Variants in GRM7 observed in about 807,000 individuals in gnomAD.
The protein encoded by GRM7 is metabotropic glutamate receptor 7.
In GRM7, 35 loss-of-function variants were observed where a neutral mutation model predicts 84.5. That is an observed-to-expected ratio of 0.41 (90% confidence interval 0.32 to 0.55). The LOEUF (loss-of-function observed/expected upper bound fraction) is 0.55. Ranked by LOEUF, GRM7 falls within the 20% of genes least tolerant of loss-of-function variation. The probability of loss-of-function intolerance (pLI) is 0.19; values close to 1 mark genes in which losing one functional copy is unlikely to be tolerated. For synonymous variants in GRM7, 487 were observed against 455.1 expected, an observed-to-expected ratio of 1.07 and a Z score of -0.89; for missense variants, 1,003 against 1,194.6, an observed-to-expected ratio of 0.84 and a Z score of 2.36.
chr3:7,546,015 C>A (rs1287791178), intron 7 of GRM7, among the ~76,000 whole-genome samples: 4 of 152,088 alleles, frequency 2.6e-5, no homozygotes, highest in Non-Finnish European at 5.9e-5. Flanking sequence ...TAGTGTAGTG[C>A]CTGGTTCATT....
At chr3:7,484,157 T>A (rs1056903453) in intron 7 of GRM7, among the ~76,000 whole-genome samples, 2 of 152,204 alleles carry the variant, frequency 1.3e-5, no homozygotes, top group African/African-American at 4.8e-5. Context: ...TAAAGACTTA[T>A]GGTAAGGTGC....
At chr3:7,408,778 T>C (rs1476095049) in intron 4 of GRM7, among the ~76,000 whole-genome samples, 1 of 152,220 alleles carries the variant, frequency 6.6e-6, no homozygotes, top group Non-Finnish European at 1.5e-5. Context: ...AGCTAGTTCC[T>C]ACAACCATGC....
At chr3:7,431,328 T>C (rs1050455667) in intron 5 of GRM7, among the ~76,000 whole-genome samples, 12 of 152,226 alleles carry the variant, frequency 7.9e-5, no homozygotes, top group South Asian at 2.1e-4. Flanking sequence ...ACATATTGTA[T>C]GATCCTATTT....
chr3:6,910,647 A>T (rs1696735908), intron 1 of GRM7, among the ~76,000 whole-genome samples: 1 of 152,138 alleles, frequency 6.6e-6, no homozygotes, highest in South Asian at 2.1e-4. Flanking sequence ...GGCTACATGG[A>T]GGCTGAGGCA....
intron 4 of GRM7, among the ~76,000 whole-genome samples, chr3:7,331,876 T>G (rs2125066858): frequency 6.6e-6 from 1 of 152,202 alleles, no homozygotes; most frequent in Middle Eastern, 3.4e-3. Flanking sequence ...TTTTTAAAGG[T>G]TCCCATGCAG....
intron 5 of GRM7, among the ~76,000 whole-genome samples, chr3:7,449,768 T>C (rs1452104234): frequency 1.3e-5 from 2 of 152,158 alleles, no homozygotes; most frequent in Non-Finnish European, 1.5e-5. Context: ...TGGTAAGAGA[T>C]AAAATTTTGA....
In GRM7 at chr3:7,015,452, C is replaced by A. The variant is rs541822306; in HGVS notation, c.520-131000C>A. Among the ~76,000 whole-genome samples, 34 of 152,320 alleles carry A rather than the reference C, an allele frequency of 2.2e-4. No homozygotes were observed. The South Asian group carries it at 6.8e-3, about 31-fold the overall frequency. On this transcript the variant is annotated intron_variant, in intron 1 of 9. Coordinates refer to ENST00000357716, the MANE Select transcript of GRM7 (RefSeq NM_000844.4). The stretch of plus-strand genomic sequence containing the variant: ...CTATGACAGATGCTGTGCTTTCAAT[C>A]TTTTGGAGTACACAGATAAGTAAAT...
chr3:6,891,376 G>T (rs941486230), intron 1 of GRM7, among the ~76,000 whole-genome samples: 4 of 152,180 alleles, frequency 2.6e-5, no homozygotes, highest in African/African-American at 7.2e-5. Flanking sequence ...GGTACCGGTT[G>T]TTGCTTTCCG....
At chr3:7,588,472 C>A (rs1488422207) in intron 8 of GRM7, among the ~76,000 whole-genome samples, 1 of 152,196 alleles carries the variant, frequency 6.6e-6, no homozygotes, top group East Asian at 1.9e-4. Flanking sequence ...GAGAAGTGAG[C>A]AACCTCAAAT....
intron 7 of GRM7, among the ~76,000 whole-genome samples, chr3:7,483,687 T>C (rs1699216803): frequency 6.6e-6 from 1 of 152,120 alleles, no homozygotes; most frequent in Non-Finnish European, 1.5e-5. Context: ...GGTTGAGCTA[T>C]GGGGGTGAAA....
At chr3:6,998,455 G>A (rs1011278964) in intron 1 of GRM7, among the ~76,000 whole-genome samples, 2 of 152,152 alleles carry the variant, frequency 1.3e-5, no homozygotes, top group African/African-American at 4.8e-5. Flanking sequence ...CAAGCTGTCA[G>A]TGGATCTACC....
intron 2 of GRM7, among the ~76,000 whole-genome samples, chr3:7,221,693 TG>T (rs1696807253): frequency 6.6e-6 from 1 of 151,876 alleles, no homozygotes; most frequent in Non-Finnish European, 1.5e-5. Flanking sequence ...TTCTGTTTTA[TG>T]TTTCCTTCCA....
At chr3:7,170,967 C>G (rs1694965625) in intron 2 of GRM7, among the ~76,000 whole-genome samples, 1 of 152,148 alleles carries the variant, frequency 6.6e-6, no homozygotes, top group Non-Finnish European at 1.5e-5. Context: ...GTACATGCTG[C>G]TCATCACATC....
intron 1 of GRM7, among the ~76,000 whole-genome samples, chr3:7,134,428 C>T (rs1276916670): frequency 3.6e-5 from 5 of 137,518 alleles, no homozygotes; most frequent in African/African-American, 1.2e-4. Flanking sequence ...TCATCATCAT[C>T]GTCATCATCA....
chr3:7,073,356 A>G (rs1438582954), intron 1 of GRM7, among the ~76,000 whole-genome samples: 1 of 152,080 alleles, frequency 6.6e-6, no homozygotes, highest in African/African-American at 2.4e-5. Flanking sequence ...CTTGAAAATA[A>G]TGGTTCACAT....
intron 9 of GRM7, among the ~76,000 whole-genome samples, chr3:7,717,498 G>C (rs1198609803): frequency 1.3e-5 from 2 of 152,102 alleles, no homozygotes; most frequent in African/African-American, 4.8e-5. Flanking sequence ...TCTGTGAGCT[G>C]GTCCTTAGGG....
rs142157484 is a variant in GRM7 at position 7,544,226 on chromosome 3, G to A, written c.1516-34196G>A. Among the ~76,000 whole-genome samples, 363 of 152,264 alleles carry A rather than the reference G, an allele frequency of 2.4e-3. 1 individual carries two copies. Among genetic ancestry groups the A allele is most frequent in the Middle Eastern group, 0.014 (4 of 292 alleles). On this transcript the variant is annotated intron_variant, in intron 7 of 9. Coordinates refer to ENST00000357716, the MANE Select transcript of GRM7 (RefSeq NM_000844.4). ...TCTGTCACCCAAGTGGAATGCAGTG[G>A]CAGGTAGCTCACTGCAGACTCGAAC...
rs903257122 is a variant in GRM7 at position 7,307,502 on chromosome 3, C to A, written c.1033+850C>A. On this transcript the variant is annotated intron_variant, in intron 4 of 9. Coordinates refer to ENST00000357716, the MANE Select transcript of GRM7 (RefSeq NM_000844.4). ...GGATCAAATATTTGCATTTTCTATT[C>A]TCTCTCCACTCAAATCTAATTAATT... Among the ~76,000 whole-genome samples, 4 of 152,102 alleles carry A rather than the reference C, an allele frequency of 2.6e-5. No individual in the cohort carries two copies. The East Asian group carries it at 7.7e-4, about 29-fold the overall frequency.
intron 4 of GRM7, among the ~76,000 whole-genome samples, chr3:7,391,920 C>A (rs989762991): frequency 6.6e-6 from 1 of 152,072 alleles, no homozygotes; most frequent in East Asian, 1.9e-4. Context: ...GCTCCCCAGG[C>A]CCTGATGGGA....
Sources: gnomAD v4.1 joint callset for allele counts (sites outside exome capture counted in the v4.1 genomes callset) on GRCh38, gnomAD v4.1.1 for gene constraint, MANE v1.5 for transcripts, NCBI Gene and HGNC (gene_info 2026-07-23, HGNC 2026-07-21) for gene names.